RABGAP1L: variants seen among roughly 807,000 people sequenced by gnomAD.
The protein encoded by RABGAP1L is rab GTPase-activating protein 1-like.
Under a neutral mutation model 137.7 loss-of-function variants are expected in RABGAP1L, and 63 were observed. That is an observed-to-expected ratio of 0.46 (90% confidence interval 0.37 to 0.56). The LOEUF is 0.56. RABGAP1L is among the 20% of genes least tolerant of loss of function. The probability of loss-of-function intolerance (pLI) is 0.00; values close to 1 mark genes in which losing one functional copy is unlikely to be tolerated. For missense variants in RABGAP1L, 1,095 were observed against 1,244.0 expected, an observed-to-expected ratio of 0.88 and a Z score of 1.80; for synonymous variants, 431 against 433.7, an observed-to-expected ratio of 0.99 and a Z score of 0.08.
intron 11 of RABGAP1L, among the ~76,000 whole-genome samples, chr1:174,332,165 G>C (rs1681088257): frequency 6.6e-6 from 1 of 152,124 alleles, no homozygotes; most frequent in South Asian, 2.1e-4. Flanking sequence ...GGTTATTTAA[G>C]TGAGCCTAAA....
chr1:174,412,410 C>T (rs1206811453), intron 13 of RABGAP1L, among the ~76,000 whole-genome samples: 2 of 151,942 alleles, frequency 1.3e-5, no homozygotes, highest in African/African-American at 4.8e-5. Context: ...ATCTTTTTAT[C>T]CAACTTGTGA....
Position 174,348,885 on chromosome 1 carries a change from G to A in RABGAP1L, c.1466-22094G>A, listed in dbSNP as rs1170653369. On this transcript the variant is annotated intron_variant, in intron 11 of 25. Coordinates refer to ENST00000681986, the MANE Select transcript of RABGAP1L (RefSeq NM_001366446.1). ...TTCTACACAGACACGGCAACCATCCGATTTCCCAATCCTTTCCCCGCCTTT... is the reference window on the plus strand; with the variant it reads ...TTCTACACAGACACGGCAACCATCCAATTTCCCAATCCTTTCCCCGCCTTT... Among the ~76,000 whole-genome samples, 4 of 152,358 alleles carry A rather than the reference G, an allele frequency of 2.6e-5. No individual in the cohort carries two copies. The East Asian group carries it at 5.8e-4, about 22-fold the overall frequency.
intron 20 of RABGAP1L, among the ~76,000 whole-genome samples, chr1:174,959,732 G>A (rs1668916375): frequency 6.6e-6 from 1 of 152,004 alleles, no homozygotes; most frequent in Non-Finnish European, 1.5e-5. Flanking sequence ...ATAATGTCTA[G>A]GCATTTGTCC....
At position 174,409,740 on chromosome 1, in the gene RABGAP1L, A is replaced by T. The variant is rs139270012; in HGVS notation, c.1710+15595A>T. 4.0e-3 allele frequency among the ~76,000 whole-genome samples: 606 copies of T among 152,232 alleles called. 2 individuals carry two copies. The highest frequency in any genetic ancestry group is 0.014 in the African/African-American group (573 of 41,532). ...CGGCCACTCTGGAAGTATCTGTCTT[A>T]TGCAGTTGAGATAAGGACTGAAATT... On this transcript the variant is annotated intron_variant, in intron 13 of 25. Coordinates refer to ENST00000681986, the MANE Select transcript of RABGAP1L (RefSeq NM_001366446.1).
chr1:174,456,141 G>A (rs1396915544), intron 13 of RABGAP1L, among the ~76,000 whole-genome samples: 1 of 151,934 alleles, frequency 6.6e-6, no homozygotes. Flanking sequence ...CTTTATGTTG[G>A]AGGTGTGATT....
At position 174,707,769 on chromosome 1, in the gene RABGAP1L, T is replaced by A. The variant is rs1680166095; in HGVS notation, c.2169+5513T>A. On this transcript the variant is annotated intron_variant, in intron 17 of 25. Coordinates refer to ENST00000681986, the MANE Select transcript of RABGAP1L (RefSeq NM_001366446.1). ...TCTTAATTTCTTCAATTATCTAGGT[T>A]TCTAATCACCTTCCCCTCCATCACC... Among the ~76,000 whole-genome samples, 6 of 152,228 alleles carry A rather than the reference T, an allele frequency of 3.9e-5. No homozygotes were observed. In the South Asian group the frequency reaches 1.2e-3, roughly 31 times the overall value.
chr1:174,844,125 C>A (rs1220774846), intron 19 of RABGAP1L, among the ~76,000 whole-genome samples: 2 of 150,316 alleles, frequency 1.3e-5, no homozygotes, highest in Admixed American at 1.3e-4. Context: ...TGGATATTAG[C>A]CCTTTGTCAG....
At chr1:174,614,279 C>G (rs1219480696) in intron 13 of RABGAP1L, among the ~76,000 whole-genome samples, 1 of 152,150 alleles carries the variant, frequency 6.6e-6, no homozygotes, top group East Asian at 1.9e-4. Context: ...TCAGCATTTG[C>G]TTGTCTGTAA....
At chr1:174,489,792 A>G (rs973700247) in intron 13 of RABGAP1L, among the ~76,000 whole-genome samples, 4 of 152,190 alleles carry the variant, frequency 2.6e-5, no homozygotes, top group African/African-American at 9.7e-5. Flanking sequence ...ATGTCCATCA[A>G]TGATAGACTG....
chr1:174,788,737 A>C (rs938512673), intron 18 of RABGAP1L, among the ~76,000 whole-genome samples: 1 of 152,160 alleles, frequency 6.6e-6, no homozygotes, highest in Non-Finnish European at 1.5e-5. Flanking sequence ...ATTGGGATGA[A>C]GTCTTGTTCT....
At chr1:174,499,945 T>C (rs1661103837) in intron 13 of RABGAP1L, among the ~76,000 whole-genome samples, 1 of 152,204 alleles carries the variant, frequency 6.6e-6, no homozygotes, top group South Asian at 2.1e-4. Flanking sequence ...GTCATAGTTA[T>C]GTAATCATAA....
At chr1:174,620,128 C>A (rs1322150721) in intron 13 of RABGAP1L, among the ~76,000 whole-genome samples, 1 of 152,202 alleles carries the variant, frequency 6.6e-6, no homozygotes, top group African/African-American at 2.4e-5. Flanking sequence ...CACCCAGATT[C>A]ATAATGGAAG....
chr1:174,800,474 C>A, intron 18 of RABGAP1L: 1 of 1,550,838 alleles, frequency 6.4e-7, no homozygotes, highest in Non-Finnish European at 8.7e-7. Flanking sequence ...GATGGGGCAT[C>A]GTCTGTTTGT....
intron 11 of RABGAP1L, among the ~76,000 whole-genome samples, chr1:174,356,608 GA>G (rs1259051558): frequency 6.6e-6 from 1 of 151,772 alleles, no homozygotes; most frequent in Non-Finnish European, 1.5e-5. Flanking sequence ...GACCAAAGTT[GA>G]GAGAAACAGC....
At chr1:174,626,837 C>T (rs1557921272) in intron 13 of RABGAP1L, among the ~76,000 whole-genome samples, 1 of 152,162 alleles carries the variant, frequency 6.6e-6, no homozygotes, top group African/African-American at 2.4e-5. Flanking sequence ...ATCAGACCGA[C>T]CACTGCAAAC....
chr1:174,935,078 G>T (rs1664532022), intron 19 of RABGAP1L: 1 of 152,172 alleles, frequency 6.6e-6, no homozygotes, highest in Admixed American at 6.5e-5. Context: ...TGGGTCAGAT[G>T]TGTCCTGTAT....
chr1:174,574,768 A>G (rs141077452), intron 13 of RABGAP1L, among the ~76,000 whole-genome samples: 69 of 152,300 alleles, frequency 4.5e-4, no homozygotes, highest in African/African-American at 1.6e-3. Context: ...TTTTGGTCAT[A>G]TTTCACTTTT....
chr1:174,251,021 G>A (rs1672670636), intron 6 of RABGAP1L, among the ~76,000 whole-genome samples: 1 of 152,168 alleles, frequency 6.6e-6, no homozygotes, highest in Non-Finnish European at 1.5e-5. Context: ...GGCTTGTCTC[G>A]AACTCCTGAC....
At position 174,547,757 on chromosome 1, in the gene RABGAP1L, A is replaced by T. The variant is rs933571141; in HGVS notation, c.1711-89618A>T. 7.5e-6 allele frequency: 9 copies of T among 1,198,536 alleles called. No individual in the cohort carries two copies. The African/African-American group carries it at 1.2e-4, about 16-fold the overall frequency. 74.2% of individuals were successfully genotyped at this position (1,198,536 alleles called of 1,614,324 possible). A position where few individuals can be genotyped will look rare whatever the true frequency, so the allele number is the denominator to read the frequency against. The stretch of plus-strand genomic sequence containing the variant: ...TTGGATATGGAGTCATTGTATTTGT[A>T]TTTAAATTGACGTTAGATGCATCAG... On this transcript the variant is annotated intron_variant, in intron 13 of 25. Transcript: ENST00000681986.
Sources: allele counts gnomAD v4.1 joint callset (sites outside exome capture counted in the v4.1 genomes callset), GRCh38; gene constraint gnomAD v4.1.1; transcripts MANE v1.5; gene names NCBI Gene and HGNC (gene_info 2026-07-23, HGNC 2026-07-21).